The following SLC17A6 variants were observed in gnomAD, a reference collection of about 807,000 sequenced individuals.
The protein encoded by SLC17A6 is vesicular glutamate transporter 2.
SLC17A6 carries 35 observed loss-of-function variants against 67.1 expected under a neutral mutation model. The ratio of observed to expected loss-of-function variants is 0.52; its 90% confidence interval spans 0.40 to 0.69. The LOEUF (loss-of-function observed/expected upper bound fraction) is 0.69, where lower values mean the gene tolerates loss of function less well. SLC17A6 is among the 30% of genes least tolerant of loss of function. The pLI is 0.00. For missense variants in SLC17A6, 588 were observed against 723.9 expected (o/e 0.81, Z 2.15); for synonymous variants, 285 against 252.3 (o/e 1.13, Z -1.23).
chr11:22,353,671 C>T (rs939236559), intron 3 of SLC17A6, among the ~76,000 whole-genome samples: 15 of 152,188 alleles, frequency 9.9e-5, no homozygotes, highest in African/African-American at 3.4e-4. Context: ...CATTTTTGAT[C>T]TAACAATCTA....
chr11:22,358,278 G>A (rs1477506509), intron 3 of SLC17A6, among the ~76,000 whole-genome samples: 1 of 152,174 alleles, frequency 6.6e-6, no homozygotes, highest in Non-Finnish European at 1.5e-5. Flanking sequence ...CCGAGCTAAA[G>A]GAATACTTTT....
At chr11:22,362,697 C>T in intron 5 of SLC17A6, 42 bp from the exon 6 acceptor site, 4 of 1,474,024 alleles carry the variant, frequency 2.7e-6, no homozygotes, top group Non-Finnish European at 3.8e-6. Context: ...ATAATTTCTA[C>T]TGATTTCACT....
chr11:22,369,819 T>C (rs1383589351), intron 7 of SLC17A6, among the ~76,000 whole-genome samples: 1 of 152,042 alleles, frequency 6.6e-6, no homozygotes, highest in Non-Finnish European at 1.5e-5. Context: ...TGGAACAATC[T>C]AATAAGTTGC....
chr11:22,338,726 G>A (rs948089407), intron 1 of SLC17A6, 107 bp downstream of exon 1: 3 of 824,258 alleles, frequency 3.6e-6, no homozygotes, highest in Admixed American at 2.4e-5. Flanking sequence ...TGATCGGAAA[G>A]TCTTTTTGTT....
chr11:22,352,505 A>T (rs1399003577), intron 3 of SLC17A6, among the ~76,000 whole-genome samples: 1 of 152,244 alleles, frequency 6.6e-6, no homozygotes, highest in Non-Finnish European at 1.5e-5. Flanking sequence ...AGAGGAAGTT[A>T]TAATTACCCT....
Position 22,338,575 on chromosome 11 carries a change from G to A in SLC17A6, c.42G>A (p.Glu14=), listed in dbSNP as rs1454664214. Residue 14 remains glutamate, a synonymous_variant, in exon 1 of 12, where the codon GAG becomes GAA. Coordinates refer to ENST00000263160, the MANE Select transcript of SLC17A6 (RefSeq NM_020346.3). ...AAAGGATTTTGGCCCCAGGAAAAGA[G>A]GGGCTAAAGAATTTTGCTGGAAAAT... ...VKQRILAPGK[E]GLKNFAGKSL... is the part of the protein sequence containing the mutation. 2 of 1,613,784 alleles carry A rather than the reference G, an allele frequency of 1.2e-6. No homozygotes were observed. Among genetic ancestry groups the A allele is most frequent in the Middle Eastern group, 1.6e-4 (1 of 6,062 alleles).
At position 22,349,285 on chromosome 11, in the gene SLC17A6, T is replaced by A. The variant is rs41348348; in HGVS notation, c.458+5920T>A. Among the ~76,000 whole-genome samples, 3,312 of 152,260 alleles carry A rather than the reference T, an allele frequency of 0.022. 266 individuals are homozygous for A. The East Asian group carries it at 0.28, about 13-fold the overall frequency. ...AAATGCTTTATAAGCACCCAGTCTTTTAAGGCCAGAGGTGACTTTTTCTAT... is the reference window on the plus strand; with the variant it reads ...AAATGCTTTATAAGCACCCAGTCTTATAAGGCCAGAGGTGACTTTTTCTAT... On this transcript the variant is annotated intron_variant, in intron 3 of 11. Transcript: ENST00000263160.
rs1855957161 is a variant in SLC17A6 at position 22,352,830 on chromosome 11, CTG to C, written c.459-6580_459-6579del. 2.0e-5 allele frequency among the ~76,000 whole-genome samples: 3 copies of C among 152,252 alleles called. No individual in the cohort carries two copies. In the South Asian group the frequency reaches 6.2e-4, roughly 32 times the overall value. ...GAGACAGTTATTGATTTAAAAAAGACTGTGAATTTTCTTTTCTGGTCATTTCC... is the reference window on the plus strand; with the variant it reads ...GAGACAGTTATTGATTTAAAAAAGACTGAATTTTCTTTTCTGGTCATTTCC... On this transcript the variant is annotated intron_variant, in intron 3 of 11. Transcript: ENST00000263160.
rs547707195 is a variant in SLC17A6 at position 22,353,784 on chromosome 11, C to G, written c.459-5629C>G. ...ACAAAATGTAAGCCCTTTGTTTCCA[C>G]TATGTCCAACTTTGTCTAGCTTTGT... On this transcript the variant is annotated intron_variant, in intron 3 of 11. Coordinates refer to ENST00000263160, the MANE Select transcript of SLC17A6 (RefSeq NM_020346.3). 3.9e-5 allele frequency among the ~76,000 whole-genome samples: 6 copies of G among 152,308 alleles called. No homozygotes were observed. In the South Asian group the frequency reaches 1.2e-3, roughly 32 times the overall value.
In SLC17A6 at chr11:22,362,687, A is replaced by G. The variant is rs1856066491; in HGVS notation, c.662-52A>G. On this transcript the variant is annotated intron_variant, in intron 5 of 11. Transcript: ENST00000263160. ...AACAAAGGAATGTGAGATGATATCA[A>G]TAATTTCTACTGATTTCACTCACCT... is the stretch of plus-strand genomic sequence containing the variant. 9.1e-6 allele frequency: 13 copies of G among 1,428,962 alleles called. 1 individual carries two copies. In the South Asian group the frequency reaches 1.5e-4, roughly 16 times the overall value. The allele number at this position is 1,428,962 out of a possible 1,614,324, so 88.5% of individuals were successfully genotyped here.
At chr11:22,342,733 C>A (rs563589191) in intron 2 of SLC17A6, among the ~76,000 whole-genome samples, 2 of 152,306 alleles carry the variant, frequency 1.3e-5, no homozygotes, top group South Asian at 2.1e-4. Context: ...TATCCGTCCC[C>A]ATTTGTGGGG....
intron 7 of SLC17A6, among the ~76,000 whole-genome samples, chr11:22,368,158 A>C (rs759541284): frequency 6.6e-6 from 1 of 152,108 alleles, no homozygotes; most frequent in Non-Finnish European, 1.5e-5. Context: ...TCACTATCTC[A>C]GTACTACTAT....
At chr11:22,348,217 AT>A (rs1464063588) in intron 3 of SLC17A6, among the ~76,000 whole-genome samples, 2 of 152,024 alleles carry the variant, frequency 1.3e-5, no homozygotes, top group Non-Finnish European at 2.9e-5. Context: ...CTGATACTAT[AT>A]GCTTCATTGC....
intron 1 of SLC17A6, 64 bp downstream of exon 1, chr11:22,338,683 C>T: frequency 1.7e-6 from 2 of 1,184,474 alleles, no homozygotes; most frequent in Non-Finnish European, 2.5e-6. Flanking sequence ...GGGCCGTTTC[C>T]GTAAACCCTG....
chr11:22,349,986 A>T (rs1317512409), intron 3 of SLC17A6, among the ~76,000 whole-genome samples: 1 of 152,136 alleles, frequency 6.6e-6, no homozygotes, highest in Admixed American at 6.5e-5. Context: ...GGATTGATTG[A>T]TTTAGGGAAA....
intron 1 of SLC17A6, 149 bp from the exon 2 acceptor site, chr11:22,341,379 G>C: frequency 8.6e-7 from 1 of 1,167,548 alleles, no homozygotes; most frequent in Non-Finnish European, 1.2e-6. Flanking sequence ...CTTGCAGCTT[G>C]GTGTCACCCC....
intron 3 of SLC17A6, among the ~76,000 whole-genome samples, chr11:22,353,627 G>C (rs1179891274): frequency 6.6e-6 from 1 of 152,154 alleles, no homozygotes; most frequent in African/African-American, 2.4e-5. Flanking sequence ...TGGTCAATAA[G>C]AATGGTCAAA....
intron 6 of SLC17A6, among the ~76,000 whole-genome samples, chr11:22,364,466 G>T (rs139968664): frequency 1.3e-5 from 2 of 151,994 alleles, no homozygotes; most frequent in Non-Finnish European, 2.9e-5. Context: ...ATCATATAGC[G>T]AATAAATGAC....
At chr11:22,359,866 A>G (rs975736193) in intron 4 of SLC17A6, among the ~76,000 whole-genome samples, 10 of 152,132 alleles carry the variant, frequency 6.6e-5, no homozygotes, top group Admixed American at 6.6e-4. Context: ...ACCATGAATT[A>G]GTATCTTGGG....
Sources: allele counts gnomAD v4.1 joint callset (sites outside exome capture counted in the v4.1 genomes callset), GRCh38; gene constraint gnomAD v4.1.1; transcripts MANE v1.5; gene names NCBI Gene and HGNC (gene_info 2026-07-23, HGNC 2026-07-21).